The following RHOBTB1 variants were observed in gnomAD, a reference collection of about 807,000 sequenced individuals.
RHOBTB1 encodes the protein Rho related BTB domain containing 1.
Under a neutral mutation model 71.6 loss-of-function variants are expected in RHOBTB1, and 40 were observed. The observed-to-expected ratio is 0.56, with a 90% CI of 0.43 to 0.73. RHOBTB1 has a LOEUF of 0.73. Among genes scored for constraint, RHOBTB1 ranks in the 30% least tolerant of loss-of-function variants. The pLI is 0.00. For missense variants in RHOBTB1, 797 were observed against 894.0 expected (o/e 0.89, Z 1.38); for synonymous variants, 319 against 334.9 (o/e 0.95, Z 0.52).
chr10:60,889,078 T>C lies in RHOBTB1; in HGVS notation c.590A>G (p.Lys197Arg). 6.2e-7 allele frequency: 1 copy of C among 1,614,180 alleles called. No individual in the cohort carries two copies. The highest frequency in any genetic ancestry group is 8.5e-7 in the Non-Finnish European group (1 of 1,180,018). ...ETSVFDQFGI[K>R]DVFDNAIRAA... ...TCGGATTGCATTGTCAAACACATCCTTGATACCAAACTGGTCAAACACGCT... is the reference window on the plus strand; with the variant it reads ...TCGGATTGCATTGTCAAACACATCCCTGATACCAAACTGGTCAAACACGCT... The change falls in exon 6 of 11, where the codon AAG becomes AGG. Residue 197 changes from lysine to arginine, a missense_variant. This residue lies in a region of RHOBTB1 where 658 missense variants were observed against 681.5 expected (regional missense o/e 0.97). Coordinates refer to ENST00000337910, the MANE Select transcript of RHOBTB1 (RefSeq NM_014836.5).
chr10:60,919,073 G>C (rs1284862604), intron 2 of RHOBTB1, among the ~76,000 whole-genome samples: 1 of 152,116 alleles, frequency 6.6e-6, no homozygotes, highest in African/African-American at 2.4e-5. Context: ...ATCAAGGCAT[G>C]GTGAGCAGTC....
intron 8 of RHOBTB1, among the ~76,000 whole-genome samples, chr10:60,876,932 A>G (rs1486633528): frequency 6.6e-6 from 1 of 152,224 alleles, no homozygotes; most frequent in Admixed American, 6.5e-5. Context: ...CATTCATTCA[A>G]TTGTTCAACA....
Position 60,911,476 on chromosome 10 carries a change from T to C in RHOBTB1, c.67A>G (p.Asn23Asp). The part of the protein sequence containing the change: ...ETIKCVVVGD[N>D]AVGKTRLICA... The stretch of plus-strand genomic sequence containing the variant: ...ATCAAGCGCGTCTTCCCCACGGCAT[T>C]GTCACCCACGACCACACATTTGATA... The change falls in exon 3 of 11, where the codon AAT becomes GAT. Residue 23 changes from asparagine (N) to aspartate (D), a missense_variant. Around this residue, in one of 2 missense-constraint regions of RHOBTB1, gnomAD observed 139 missense variants for 212.5 expected, o/e 0.65. Transcript: ENST00000337910. 1 of 1,614,218 alleles carries C rather than the reference T, an allele frequency of 6.2e-7. No homozygotes were observed. Among genetic ancestry groups the C allele is most frequent in the Non-Finnish European group, 8.5e-7 (1 of 1,180,038 alleles).
At chr10:60,883,013 A>G (rs1358801777) in intron 7 of RHOBTB1, among the ~76,000 whole-genome samples, 1 of 152,114 alleles carries the variant, frequency 6.6e-6, no homozygotes, top group Non-Finnish European at 1.5e-5. Flanking sequence ...CATTTTACAG[A>G]TGAGGAAACA....
In RHOBTB1 at chr10:60,875,547, G is replaced by A. The variant is rs573193962; in HGVS notation, c.1727-505C>T. 8.0e-4 allele frequency among the ~76,000 whole-genome samples: 122 copies of A among 152,240 alleles called. 1 individual carries two copies. The highest frequency in any genetic ancestry group is 2.7e-3 in the African/African-American group (114 of 41,532). ...CTAGAGTCCTCTAGACTTTAGACAC[G>A]TTCCTGTTTGACAGTTTCCCCACTC... On this transcript the variant is annotated intron_variant, in intron 8 of 10. Coordinates refer to ENST00000337910, the MANE Select transcript of RHOBTB1 (RefSeq NM_014836.5).
At chr10:60,962,474 A>C (rs2085816110) in intron 2 of RHOBTB1, among the ~76,000 whole-genome samples, 2 of 152,216 alleles carry the variant, frequency 1.3e-5, no homozygotes, top group South Asian at 4.1e-4. Context: ...GTATTTATAA[A>C]GTCCAAATTG....
intron 8 of RHOBTB1, 110 bp from the exon 9 acceptor site, chr10:60,875,152 C>T (rs1426850982): frequency 2.7e-6 from 2 of 732,998 alleles, no homozygotes; most frequent in East Asian, 5.2e-5. Context: ...ATGTGGGACA[C>T]AGCTCTGGGC....
At chr10:60,868,744 TC>T (rs1489384998), downstream of RHOBTB1, among the ~76,000 whole-genome samples, 1 of 152,156 alleles carries the variant, frequency 6.6e-6, no homozygotes, top group Non-Finnish European at 1.5e-5. Context: ...CAGACATTAC[TC>T]CCAGAAACTT....
At chr10:60,962,918 G>T (rs1186692168) in intron 2 of RHOBTB1, among the ~76,000 whole-genome samples, 1 of 152,102 alleles carries the variant, frequency 6.6e-6, no homozygotes, top group Non-Finnish European at 1.5e-5. Flanking sequence ...TTCAATGTAT[G>T]CCATTCCTAA....
chr10:60,932,453 C>A (rs767683646), intron 2 of RHOBTB1, among the ~76,000 whole-genome samples: 21 of 143,180 alleles, frequency 1.5e-4, no homozygotes, highest in Non-Finnish European at 2.8e-4. Context: ...AGTCATCAAG[C>A]TGTACATTTG....
At position 60,876,500 on chromosome 10, in the gene RHOBTB1, G is replaced by T. The variant is rs72811889; in HGVS notation, c.1726+1408C>A. Among the ~76,000 whole-genome samples, 1,486 of 152,194 alleles carry T rather than the reference G, an allele frequency of 9.8e-3. 11 individuals are homozygous for T. Among genetic ancestry groups the T allele is most frequent in the Middle Eastern group, 0.02 (6 of 294 alleles). ...TAGTCTGAGATTGATCACAAACCTT[G>T]TTGGGCAGATTTGGCTCCAAATTAC... On this transcript the variant is annotated intron_variant, in intron 8 of 10. Coordinates refer to ENST00000337910, the MANE Select transcript of RHOBTB1 (RefSeq NM_014836.5).
chr10:60,902,620 G>T (rs1309965468), intron 4 of RHOBTB1, among the ~76,000 whole-genome samples: 1 of 152,116 alleles, frequency 6.6e-6, no homozygotes, highest in African/African-American at 2.4e-5. Context: ...GGATTTGAGG[G>T]TGTGGCTGAG....
At chr10:60,936,463 T>G (rs1180137769) in intron 2 of RHOBTB1, among the ~76,000 whole-genome samples, 1 of 152,254 alleles carries the variant, frequency 6.6e-6, no homozygotes, top group African/African-American at 2.4e-5. Flanking sequence ...CCAGGAGAGC[T>G]GGTTGATTTA....
In RHOBTB1 at chr10:60,888,305, T is replaced by C. The variant is rs1186154618; in HGVS notation, c.1363A>G (p.Lys455Glu). 6.2e-6 allele frequency: 10 copies of C among 1,614,004 alleles called. 1 individual carries two copies. In the Middle Eastern group the frequency reaches 1.2e-3, roughly 186 times the overall value. The change falls in exon 6 of 11, where the codon AAG (lysine) becomes GAG (glutamate). Residue 455 changes from lysine to glutamate, a missense_variant. This residue lies in a region of RHOBTB1 where 658 missense variants were observed against 681.5 expected (regional missense o/e 0.97). Transcript: ENST00000337910. ...ATCTCCTGGTTCATGAAGGCTTCCT[T>C]GTTCATGATGTTTTCCACCATCATC... is the stretch of plus-strand genomic sequence containing the variant. ...LRMMVENIMN[K>E]EAFMNQEITK...
At chr10:60,988,256 A>G (rs952023498) in intron 1 of RHOBTB1, among the ~76,000 whole-genome samples, 1 of 151,798 alleles carries the variant, frequency 6.6e-6, no homozygotes, top group Non-Finnish European at 1.5e-5. Context: ...CTTTTAACAC[A>G]CAGTTATATT....
At chr10:60,929,875 A>T (rs74470531) in intron 2 of RHOBTB1, among the ~76,000 whole-genome samples, 2,138 of 152,304 alleles carry the variant, frequency 0.014, 47 homozygotes, top group African/African-American at 0.048. Flanking sequence ...ATTAATAAAT[A>T]TCCCACATTT....
chr10:60,870,136 CTGTG>C lies in RHOBTB1; in HGVS notation c.*1342_*1345del, dbSNP rs553273668. ...TGGAGCTGTGGCCTTGAAATGCTCT[CTGTG>C]TGTGTATGTGTGTGCTGTAACATTT... On this transcript the variant is annotated 3_prime_UTR_variant, in exon 11 of 11. Coordinates refer to ENST00000337910, the MANE Select transcript of RHOBTB1 (RefSeq NM_014836.5). 2 of 152,542 alleles carry C rather than the reference CTGTG, an allele frequency of 1.3e-5. No individual in the cohort carries two copies. Among genetic ancestry groups the C allele is most frequent in the Admixed American group, 6.5e-5 (1 of 15,282 alleles). The allele number at this position is 152,542 out of a possible 1,614,324, so 9.4% of individuals were successfully genotyped here.
chr10:60,961,522 C>T (rs1013817571), intron 2 of RHOBTB1, among the ~76,000 whole-genome samples: 1 of 152,100 alleles, frequency 6.6e-6, no homozygotes, highest in Admixed American at 6.6e-5. Context: ...GTAGTAAATA[C>T]AGCCTCATAA....
At chr10:60,890,883 A>C (rs781565718) in intron 5 of RHOBTB1, among the ~76,000 whole-genome samples, 3 of 151,906 alleles carry the variant, frequency 2.0e-5, no homozygotes, top group Non-Finnish European at 4.4e-5. Context: ...AACTGATGAA[A>C]CTCTTCAAGG....
Sources: gnomAD v4.1 joint callset for allele counts (sites outside exome capture counted in the v4.1 genomes callset) on GRCh38, gnomAD v4.1.1 for gene constraint, gnomAD v4.1.1 regional missense constraint, MANE v1.5 for transcripts, NCBI Gene and HGNC (gene_info 2026-07-23, HGNC 2026-07-21) for gene names.